Variants in ZNF655 observed in about 807,000 individuals in gnomAD.
ZNF655 encodes the protein zinc finger protein 655.
A neutral mutation model predicts 6.6 loss-of-function variants in ZNF655; 3 were observed. The observed-to-expected ratio is 0.46, with a 90% CI of 0.21 to 1.18. The LOEUF (loss-of-function observed/expected upper bound fraction) is 1.18. Among genes scored for constraint, ZNF655 ranks in the 50% most tolerant of loss-of-function variants. The pLI is 0.24. For missense variants in ZNF655, 526 were observed against 572.3 expected (o/e 0.92, Z 0.83); for synonymous variants, 178 against 195.0 (o/e 0.91, Z 0.73).
intron 2 of ZNF655, among the ~76,000 whole-genome samples, chr7:99,565,276 C>T (rs533974083): frequency 6.6e-6 from 1 of 152,128 alleles, no homozygotes; most frequent in South Asian, 2.1e-4. Context: ...TCATGCCATT[C>T]TCCTGCCTCA....
chr7:99,560,073 C>A (rs1031549782), intron 1 of ZNF655, among the ~76,000 whole-genome samples: 4 of 149,574 alleles, frequency 2.7e-5, no homozygotes, highest in African/African-American at 9.8e-5. Context: ...ATCCATATTT[C>A]TTTTTCTTTT....
rs73405251 is a variant in ZNF655, at chr7:99,571,244, G to A, written c.137-1001G>A. ...TTAGAATATTTATTCAGTTTTCACTGATTCTCTTGCTACAGGTTAGCTAAC... is the reference window on the plus strand; with the variant it reads ...TTAGAATATTTATTCAGTTTTCACTAATTCTCTTGCTACAGGTTAGCTAAC... On this transcript the variant is annotated intron_variant, in intron 2 of 2. Transcript: ENST00000252713. The A allele has an allele frequency of 2.8e-3, 3,662 of 1,288,856 alleles. 92 individuals are homozygous for A. The African/African-American group carries it at 0.052, about 18-fold the overall frequency. The allele number at this position is 1,288,856 out of a possible 1,614,324, so 79.8% of individuals were successfully genotyped here. A position where few individuals can be genotyped will look rare whatever the true frequency, so the allele number is the denominator to read the frequency against.
At chr7:99,559,661 G>GCTGT (rs1245630182) in intron 1 of ZNF655, among the ~76,000 whole-genome samples, 1 of 152,090 alleles carries the variant, frequency 6.6e-6, no homozygotes, top group Non-Finnish European at 1.5e-5. Context: ...GGGCTGTCAC[G>GCTGT]CTGTCATACA....
chr7:99,561,191 A>G (rs979118748), intron 2 of ZNF655, among the ~76,000 whole-genome samples: 1 of 152,234 alleles, frequency 6.6e-6, no homozygotes, highest in Non-Finnish European at 1.5e-5. Flanking sequence ...GTTGAACACA[A>G]TGCCTGTATG....
chr7:99,575,989 G>A lies in ZNF655; in HGVS notation c.*2405G>A, dbSNP rs1804370953. 1 of 152,062 alleles carries A rather than the reference G, an allele frequency of 6.6e-6. No individual in the cohort carries two copies. Among genetic ancestry groups the A allele is most frequent in the Middle Eastern group, 3.2e-3 (1 of 316 alleles). 9.4% of individuals were successfully genotyped at this position (152,062 alleles called of 1,614,324 possible). On this transcript the variant is annotated 3_prime_UTR_variant, in exon 3 of 3. Transcript: ENST00000252713. ...TCCATCTTAAGCTTTATAACATTTT[G>A]TGAGTAAGACAAATGTTATTTAAAA...
rs1480116123 is a variant in ZNF655 at position 99,573,316 on chromosome 7, C to T, written c.1208C>T (p.Thr403Ile). The part of the protein sequence containing the change: ...SHLIQHQRIH[T>I]GEKAHECNEC... ...CTTATTCAGCATCAAAGAATTCACA[C>T]AGGAGAGAAAGCACATGAATGTAAT... Residue 403 changes from threonine (T) to isoleucine (I), a missense_variant, in exon 3 of 3, where the codon ACA (threonine) becomes ATA (isoleucine). Physicochemically the swap from Thr to Ile is moderately conservative, Grantham distance 89. Transcript: ENST00000252713. The T allele has an allele frequency of 6.2e-6, 10 of 1,614,026 alleles. No individual in the cohort carries two copies. Among genetic ancestry groups the T allele is most frequent in the Non-Finnish European group, 8.5e-6 (10 of 1,180,022 alleles).
Position 99,572,568 on chromosome 7 carries a change from C to G in ZNF655, c.460C>G (p.Gln154Glu). The G allele has an allele frequency of 6.2e-7, 1 of 1,613,870 alleles. No individual in the cohort carries two copies. The highest frequency in any genetic ancestry group is 8.5e-7 in the Non-Finnish European group (1 of 1,179,942). Residue 154 changes from glutamine to glutamate, a missense_variant, in exon 3 of 3, where the codon CAG (glutamine) becomes GAG (glutamate). Physicochemically the swap from Gln to Glu is conservative, Grantham distance 29 (BLOSUM62 2). Coordinates refer to ENST00000252713, the MANE Select transcript of ZNF655 (RefSeq NM_138494.3). ...IDADQRVLRI[Q>E]NTDDNDKYDM... ...TGCAGATCAGAGAGTTCTTAGAATA[C>G]AGAATACCGATGACAATGATAAGTA...
intron 2 of ZNF655, chr7:99,571,493 C>A: frequency 8.2e-7 from 1 of 1,216,654 alleles, no homozygotes; most frequent in Admixed American, 3.1e-5. Context: ...TCAACTTGCC[C>A]CTTAACACAC....
chr7:99,570,405 T>C (rs1803951641), intron 2 of ZNF655: 1 of 152,244 alleles, frequency 6.6e-6, no homozygotes, highest in Non-Finnish European at 1.5e-5. Flanking sequence ...ACCTTTCTTC[T>C]ATCTATTCTG....
In ZNF655 at chr7:99,571,205, C is replaced by A; in HGVS notation, c.137-1040C>A. On this transcript the variant is annotated intron_variant, in intron 2 of 2. Coordinates refer to ENST00000252713, the MANE Select transcript of ZNF655 (RefSeq NM_138494.3). ...TTATGTGTACTGAAACAAATTGTTTCTTGAGATTGGTCCTTAGAATATTTA... is the reference window on the plus strand; with the variant it reads ...TTATGTGTACTGAAACAAATTGTTTATTGAGATTGGTCCTTAGAATATTTA... The A allele has an allele frequency of 1.6e-6, 2 of 1,279,050 alleles. 1 individual carries two copies. The highest frequency in any genetic ancestry group is 2.0e-6 in the Non-Finnish European group (2 of 982,510). 79.2% of individuals were successfully genotyped at this position (1,279,050 alleles called of 1,614,324 possible). A position where few individuals can be genotyped will look rare whatever the true frequency, so the allele number is the denominator to read the frequency against.
At chr7:99,564,928 C>CT (rs928779323) in intron 2 of ZNF655, among the ~76,000 whole-genome samples, 6 of 152,166 alleles carry the variant, frequency 3.9e-5, no homozygotes, top group African/African-American at 1.4e-4. Context: ...GCAGCATCTC[C>CT]TTAGCAGTTA....
chr7:99,572,556 G>A lies in ZNF655; in HGVS notation c.448G>A (p.Val150Ile). 1 of 1,613,952 alleles carries A rather than the reference G, an allele frequency of 6.2e-7. No individual in the cohort carries two copies. Among genetic ancestry groups the A allele is most frequent in the Non-Finnish European group, 8.5e-7 (1 of 1,179,946 alleles). The part of the protein sequence containing the change: ...LDSTIDADQR[V>I]LRIQNTDDND... ...CTCTACTATTGATGCAGATCAGAGA[G>A]TTCTTAGAATACAGAATACCGATGA... The change falls in exon 3 of 3, where the codon GTT becomes ATT. Residue 150 changes from valine to isoleucine, a missense_variant. Transcript: ENST00000252713.
At position 99,560,566 on chromosome 7, in the gene ZNF655, G is replaced by A. The variant is rs1584239718; in HGVS notation, c.7G>A (p.Glu3Lys). The change falls in exon 2 of 3, where the codon GAA (glutamate) becomes AAA (lysine). Residue 3 changes from glutamate to lysine, a missense_variant. Coordinates refer to ENST00000252713, the MANE Select transcript of ZNF655 (RefSeq NM_138494.3). ...ATTGTCCTCCAGAGCAGTGATGGAG[G>A]AAATACCAGCCCAGGAAGCAGCAGG... ME[E>K]IPAQEAAGSP... 3 of 1,613,990 alleles carry A rather than the reference G, an allele frequency of 1.9e-6. No individual in the cohort carries two copies. The highest frequency in any genetic ancestry group is 2.5e-6 in the Non-Finnish European group (3 of 1,179,888).
At position 99,573,256 on chromosome 7, in the gene ZNF655, G is replaced by A. The variant is rs1804215357; in HGVS notation, c.1148G>A (p.Ser383Asn). The A allele has an allele frequency of 6.2e-7, 1 of 1,614,170 alleles. No homozygotes were observed. The highest frequency in any genetic ancestry group is 8.5e-7 in the Non-Finnish European group (1 of 1,180,014). Residue 383 changes from serine (S) to asparagine (N), a missense_variant, in exon 3 of 3, where the codon AGT (serine) becomes AAT (asparagine). Transcript: ENST00000252713. ...TTCAGAGAAAAGCCCTATACGTGTA[G>A]TGAATGTGGAAAAGACTTCAGATTG... The part of the protein sequence containing the change: ...IHFREKPYTC[S>N]ECGKDFRLNS...
Position 99,572,982 on chromosome 7 carries a change from C to A in ZNF655, c.874C>A (p.Gln292Lys). The A allele has an allele frequency of 3.7e-6, 6 of 1,614,138 alleles. No homozygotes were observed. Among genetic ancestry groups the A allele is most frequent in the Non-Finnish European group, 4.2e-6 (5 of 1,179,998 alleles). Residue 292 changes from glutamine to lysine, a missense_variant, in exon 3 of 3, where the codon CAG becomes AAG. By Grantham distance (53) the Gln-to-Lys change is moderately conservative. Coordinates refer to ENST00000252713, the MANE Select transcript of ZNF655 (RefSeq NM_138494.3). ...CTGTAGTCCAAGCTCAGGCATAATT[C>A]AGCATAAGAAAATTCACACCAGAGC... is the stretch of plus-strand genomic sequence containing the variant. ...KSCSPSSGII[Q>K]HKKIHTRAKS...
intron 2 of ZNF655, chr7:99,570,347 G>A (rs907247572): frequency 1.3e-5 from 2 of 152,164 alleles, no homozygotes; most frequent in African/African-American, 4.8e-5. Context: ...ATGTCCACAA[G>A]GAGAGTTGAC....
intron 2 of ZNF655, among the ~76,000 whole-genome samples, chr7:99,568,626 A>T (rs1289978511): frequency 2.0e-5 from 3 of 151,564 alleles, no homozygotes; most frequent in African/African-American, 7.3e-5. Context: ...TTAATTTTTA[A>T]TTTTAATTTT....
At chr7:99,566,186 T>C (rs1165037934) in intron 2 of ZNF655, among the ~76,000 whole-genome samples, 2 of 152,202 alleles carry the variant, frequency 1.3e-5, no homozygotes, top group Admixed American at 6.5e-5. Context: ...AGTGAGAGGC[T>C]TGGGACCCAG....
intron 1 of ZNF655, 119 bp from the exon 2 acceptor site, chr7:99,560,414 T>C (rs1209252416): frequency 2.4e-5 from 25 of 1,050,738 alleles, no homozygotes; most frequent in Non-Finnish European, 3.3e-5. Flanking sequence ...GGTTAATCAT[T>C]ATCAACTAAT....
Sources: allele counts gnomAD v4.1 joint callset (sites outside exome capture counted in the v4.1 genomes callset), GRCh38; gene constraint gnomAD v4.1.1; transcripts MANE v1.5; gene names NCBI Gene and HGNC (gene_info 2026-07-23, HGNC 2026-07-21).